LRP6: variants seen among roughly 807,000 people sequenced by gnomAD.
The protein encoded by LRP6 is LDL receptor related protein 6, also known as low-density lipoprotein receptor-related protein 6.
Under a neutral mutation model 184.1 loss-of-function variants are expected in LRP6, and 43 were observed. The observed-to-expected ratio is 0.23, with a 90% CI of 0.18 to 0.30. The LOEUF is 0.30. Among genes scored for constraint, LRP6 ranks in the 10% least tolerant of loss-of-function variants. The pLI, the probability that LRP6 is intolerant of heterozygous loss-of-function variation, is 1.00. For missense variants in LRP6, 1,571 were observed against 2,005.3 expected (o/e 0.78, Z 4.14); for synonymous variants, 719 against 684.9 (o/e 1.05, Z -0.78).
chr12:12,149,968 T>C (rs145917520), intron 13 of LRP6, among the ~76,000 whole-genome samples: 75 of 152,302 alleles, frequency 4.9e-4, no homozygotes, highest in African/African-American at 1.7e-3. Flanking sequence ...GCTATTACTA[T>C]ACCCTAAATG....
At chr12:12,258,993 G>C (rs1865544418) in intron 1 of LRP6, among the ~76,000 whole-genome samples, 1 of 152,224 alleles carries the variant, frequency 6.6e-6, no homozygotes, top group African/African-American at 2.4e-5. Flanking sequence ...GTGTGCAGCA[G>C]GCTCACGCCT....
intron 2 of LRP6, among the ~76,000 whole-genome samples, chr12:12,220,602 T>G (rs987136331): frequency 6.8e-6 from 1 of 146,910 alleles, no homozygotes; most frequent in Non-Finnish European, 1.5e-5. Flanking sequence ...TTTCTTAGTT[T>G]TTTTTTTTTT....
chr12:12,238,011 T>C (rs1864967130), intron 2 of LRP6, among the ~76,000 whole-genome samples: 1 of 152,198 alleles, frequency 6.6e-6, no homozygotes, highest in African/African-American at 2.4e-5. Context: ...TAGAGCTATG[T>C]ACAATTTTTG....
intron 2 of LRP6, 75 bp downstream of exon 2, chr12:12,244,187 G>A (rs1480917163): frequency 7.0e-7 from 1 of 1,425,576 alleles, no homozygotes; most frequent in Non-Finnish European, 9.9e-7. Flanking sequence ...TCTCATAGGG[G>A]TCAGGGTGGT....
intron 3 of LRP6, among the ~76,000 whole-genome samples, chr12:12,189,020 GA>G (rs1296877304): frequency 4.6e-5 from 7 of 151,380 alleles, no homozygotes; most frequent in African/African-American, 1.2e-4. Context: ...AAAACTCAAG[GA>G]AAAAAAAGGC....
chr12:12,148,826 A>T (rs1237240030), intron 14 of LRP6, 116 bp downstream of exon 14: 1 of 808,504 alleles, frequency 1.2e-6, no homozygotes, highest in Non-Finnish European at 2.2e-6. Flanking sequence ...GATAGAGAAT[A>T]TTGAATTGTT....
At chr12:12,127,544 G>C (rs960037450) in intron 19 of LRP6, among the ~76,000 whole-genome samples, 5 of 152,150 alleles carry the variant, frequency 3.3e-5, no homozygotes, top group Non-Finnish European at 7.3e-5. Flanking sequence ...GGAACATAAG[G>C]TCTTTAATAC....
chr12:12,209,577 A>G (rs552080974), intron 2 of LRP6, among the ~76,000 whole-genome samples: 1 of 152,346 alleles, frequency 6.6e-6, no homozygotes, highest in South Asian at 2.1e-4. Flanking sequence ...ATAAAGGAAT[A>G]GATTTCATCT....
intron 13 of LRP6, 100 bp downstream of exon 13, chr12:12,150,736 A>G (rs1390535643): frequency 5.8e-5 from 73 of 1,250,006 alleles, no homozygotes; most frequent in Non-Finnish European, 7.8e-5. Context: ...ACACACATAC[A>G]CACACACTTA....
At chr12:12,148,230 T>C (rs1950036140) in intron 14 of LRP6, among the ~76,000 whole-genome samples, 1 of 151,906 alleles carries the variant, frequency 6.6e-6, no homozygotes, top group Admixed American at 6.6e-5. Flanking sequence ...ACATATGTTT[T>C]CAGAATAATA....
chr12:12,136,905 G>C (rs1010024121), intron 16 of LRP6, among the ~76,000 whole-genome samples: 1 of 152,056 alleles, frequency 6.6e-6, no homozygotes, highest in African/African-American at 2.4e-5. Context: ...CCTCTCCCTT[G>C]AAATTCTGAA....
chr12:12,157,344 C>T (rs1301794350), intron 12 of LRP6, among the ~76,000 whole-genome samples: 1 of 152,062 alleles, frequency 6.6e-6, no homozygotes, highest in Non-Finnish European at 1.5e-5. Flanking sequence ...GCTGCCACCA[C>T]CATTGTCCAG....
intron 1 of LRP6, among the ~76,000 whole-genome samples, chr12:12,253,823 A>G (rs932264901): frequency 3.0e-4 from 45 of 152,102 alleles, no homozygotes; most frequent in African/African-American, 1.1e-3. Flanking sequence ...AATCAGCTAC[A>G]GGCCAGAGTG....
intron 16 of LRP6, 107 bp downstream of exon 16, chr12:12,138,218 G>C: frequency 1.9e-6 from 2 of 1,060,714 alleles, no homozygotes; most frequent in East Asian, 2.4e-5. Flanking sequence ...AAAACTAAAA[G>C]TGCATGAAAG....
intron 2 of LRP6, among the ~76,000 whole-genome samples, chr12:12,206,121 T>C (rs1163846776): frequency 6.6e-6 from 1 of 152,228 alleles, no homozygotes; most frequent in African/African-American, 2.4e-5. Context: ...TAGCAGGCTG[T>C]ACCATCTAGG....
intron 1 of LRP6, among the ~76,000 whole-genome samples, chr12:12,248,471 C>CTTTTTTTTTTT (rs71061030): frequency 6.4e-5 from 4 of 62,792 alleles, no homozygotes; most frequent in Non-Finnish European, 8.7e-5. Flanking sequence ...AGTCTTTACT[C>CTTTTTTTTTTT]TTTTTTTTTT....
Position 12,181,084 on chromosome 12 carries a change from G to T in LRP6, c.1332C>A (p.Asp444Glu). ...GTMRKILISE[D>E]LEEPRAIVLD... ...ACACAATAGCCCGGGGTTCCTCTAAGTCCTCTGAAATCAAGATCTTCCTCA... is the reference window on the plus strand; with the variant it reads ...ACACAATAGCCCGGGGTTCCTCTAATTCCTCTGAAATCAAGATCTTCCTCA... The change falls in exon 6 of 23, where the codon GAC becomes GAA. Residue 444 changes from aspartate to glutamate, a missense_variant. Physicochemically the swap from Asp to Glu is conservative, Grantham distance 45 (BLOSUM62 2). Coordinates refer to ENST00000261349, the MANE Select transcript of LRP6 (RefSeq NM_002336.3). 6.2e-7 allele frequency: 1 copy of T among 1,614,074 alleles called. No individual in the cohort carries two copies. Among genetic ancestry groups the T allele is most frequent in the Non-Finnish European group, 8.5e-7 (1 of 1,179,966 alleles).
In LRP6 at chr12:12,165,090, T is replaced by C; in HGVS notation, c.1751A>G (p.His584Arg). The part of the protein sequence containing the change: ...DLMGLKATNV[H>R]RVIGSNPCAE... ...TTGGAGTTACTCACCAATCACTCGA[T>C]GAACATTTGTAGCCTTTAGGCCCAT... is the stretch of plus-strand genomic sequence containing the variant. The change falls in exon 8 of 23, where the codon CAT becomes CGT. Residue 584 changes from histidine to arginine, a missense_variant. By Grantham distance (29) the His-to-Arg change is conservative (BLOSUM62 0). Coordinates refer to ENST00000261349, the MANE Select transcript of LRP6 (RefSeq NM_002336.3). 1 of 1,613,570 alleles carries C rather than the reference T, an allele frequency of 6.2e-7. No individual in the cohort carries two copies. Among genetic ancestry groups the C allele is most frequent in the South Asian group, 1.1e-5 (1 of 91,064 alleles).
intron 2 of LRP6, among the ~76,000 whole-genome samples, chr12:12,238,284 T>C (rs1591977087): frequency 7.2e-6 from 1 of 139,132 alleles, no homozygotes; most frequent in African/African-American, 2.7e-5. Context: ...AAGAGCAAAA[T>C]TAAGAGGAAA....
Sources: allele counts gnomAD v4.1 joint callset (sites outside exome capture counted in the v4.1 genomes callset), GRCh38; gene constraint gnomAD v4.1.1; transcripts MANE v1.5; gene names NCBI Gene and HGNC (gene_info 2026-07-23, HGNC 2026-07-21).